CCZ1B: variants seen among roughly 807,000 people sequenced by gnomAD.
CCZ1B encodes vacuolar fusion protein CCZ1 homolog B.
CCZ1B carries 25 observed loss-of-function variants against 58.8 expected under a neutral mutation model. The ratio of observed to expected loss-of-function variants is 0.43; its 90% confidence interval spans 0.31 to 0.59. The LOEUF is 0.59. Ranked by LOEUF, CCZ1B falls within the 20% of genes least tolerant of loss-of-function variation. CCZ1B has a pLI of 0.12. For synonymous variants in CCZ1B, 66 were observed against 173.2 expected (o/e 0.38, Z 4.86); for missense variants, 180 against 501.5 (o/e 0.36, Z 6.12).
intron 10 of CCZ1B, among the ~76,000 whole-genome samples, chr7:6,811,056 A>ACCC (rs1239656000): frequency 1.3e-5 from 2 of 151,654 alleles, no homozygotes; most frequent in East Asian, 3.9e-4. Flanking sequence ...CTCGATTGTC[A>ACCC]CCCAGGGATG....
chr7:6,822,177 A>C, intron 6 of CCZ1B, 104 bp downstream of exon 6: 3 of 1,493,666 alleles, frequency 2.0e-6, no homozygotes, highest in Non-Finnish European at 2.7e-6. Context: ...GCCACTTTCA[A>C]GTTCTGGGTT....
intron 4 of CCZ1B, 126 bp from the exon 5 acceptor site, chr7:6,823,486 G>C: frequency 1.8e-6 from 2 of 1,123,838 alleles, no homozygotes; most frequent in Non-Finnish European, 2.4e-6. Context: ...TCCCACAATA[G>C]TTGCGTGCTG....
At chr7:6,809,772 T>TAG (rs1353467267) in intron 10 of CCZ1B, among the ~76,000 whole-genome samples, 1 of 142,394 alleles carries the variant, frequency 7.0e-6, no homozygotes, top group African/African-American at 2.7e-5. Flanking sequence ...GCTTGAACCC[T>TAG]AGAGCCCTCC....
intron 12 of CCZ1B, among the ~76,000 whole-genome samples, chr7:6,801,840 C>T (rs972345896): frequency 1.8e-5 from 2 of 108,144 alleles, no homozygotes; most frequent in Admixed American, 1.1e-4. Flanking sequence ...TCCCAAAGTG[C>T]AGGGATTACA....
At chr7:6,812,922 G>C (rs1301176338) in intron 9 of CCZ1B, 54 bp downstream of exon 9, 7 of 1,466,492 alleles carry the variant, frequency 4.8e-6, no homozygotes, top group Admixed American at 2.5e-5. Context: ...GCCAGACTCT[G>C]AGTCAAAAAA....
Position 6,810,288 on chromosome 7 carries a change from T to C in CCZ1B, c.954+1664A>G, listed in dbSNP as rs528729396. 2.7e-4 allele frequency among the ~76,000 whole-genome samples: 40 copies of C among 145,708 alleles called. 1 individual carries two copies. Among genetic ancestry groups the C allele is most frequent in the African/African-American group, 1.0e-3 (39 of 38,182 alleles). On this transcript the variant is annotated intron_variant, in intron 10 of 14. Transcript: ENST00000316731. ...TTGGCCTCCCAAAGTGCTGGGATTA[T>C]AGGCGTGAGCCACCATGCCCCGGCT...
At chr7:6,818,486 T>G (rs1175993859) in intron 7 of CCZ1B, among the ~76,000 whole-genome samples, 1 of 148,774 alleles carries the variant, frequency 6.7e-6, no homozygotes, top group East Asian at 1.9e-4. Flanking sequence ...GAAGGGGAAG[T>G]TGCAGTGAGC....
At chr7:6,825,690 C>T (rs1468815615) in intron 1 of CCZ1B, among the ~76,000 whole-genome samples, 1 of 130,582 alleles carries the variant, frequency 7.7e-6, no homozygotes, top group Non-Finnish European at 1.6e-5. Context: ...TTTATTTCCT[C>T]ATTTGGGCGA....
chr7:6,812,436 C>A, intron 9 of CCZ1B: 1 of 289,504 alleles, frequency 3.5e-6, no homozygotes. Flanking sequence ...CTGCAGTGAG[C>A]TGAGATCGTG....
intron 7 of CCZ1B, among the ~76,000 whole-genome samples, chr7:6,815,091 G>A (rs545768036): frequency 6.7e-6 from 1 of 148,826 alleles, no homozygotes; most frequent in East Asian, 1.9e-4. Context: ...CTGAATTTAC[G>A]TGGTATACTT....
chr7:6,822,733 T>TTG lies in CCZ1B; in HGVS notation c.439-370_439-369insCA, dbSNP rs1440192261. 1.6e-4 allele frequency among the ~76,000 whole-genome samples: 16 copies of TTG among 97,536 alleles called. No individual in the cohort carries two copies. The South Asian group carries it at 0.012, about 71-fold the overall frequency. 64.0% of individuals were successfully genotyped at this position (97,536 alleles called of 152,430 possible). A position where few individuals can be genotyped will look rare whatever the true frequency, so the allele number is the denominator to read the frequency against. ...TTTTTTTTTTTTTTGAGATGGAATC[T>TTG]CGCTGTTGCCCAGGGTAGAGTGCAG... On this transcript the variant is annotated intron_variant, in intron 5 of 14. Transcript: ENST00000316731.
At chr7:6,808,264 C>A (rs2711219) in intron 10 of CCZ1B, among the ~76,000 whole-genome samples, 1 of 120,456 alleles carries the variant, frequency 8.3e-6, no homozygotes, top group African/African-American at 2.7e-5. Context: ...CAACACTCCA[C>A]AGACACAGCC....
chr7:6,822,530 T>C, intron 5 of CCZ1B, 166 bp from the exon 6 acceptor site: 1 of 1,269,208 alleles, frequency 7.9e-7, no homozygotes, highest in Non-Finnish European at 1.0e-6. Context: ...AAAATGTAAG[T>C]TACAAAAAAT....
intron 10 of CCZ1B, among the ~76,000 whole-genome samples, chr7:6,809,508 T>C (rs1782886657): frequency 6.9e-6 from 1 of 145,912 alleles, no homozygotes; most frequent in Non-Finnish European, 1.5e-5. Context: ...AGTCATTACC[T>C]GGGTCATTCA....
chr7:6,800,468 GAC>G (rs1782746064), intron 14 of CCZ1B, among the ~76,000 whole-genome samples: 1 of 138,950 alleles, frequency 7.2e-6, no homozygotes, highest in Non-Finnish European at 1.5e-5. Flanking sequence ...CAGCCTGTGC[GAC>G]AGAGCAAGAC....
At chr7:6,822,171 C>A in intron 6 of CCZ1B, 110 bp downstream of exon 6, 1 of 1,479,592 alleles carries the variant, frequency 6.8e-7, no homozygotes, top group Non-Finnish European at 9.0e-7. Flanking sequence ...CTCTTTGCCA[C>A]TTTCAAGTTC....
At chr7:6,823,807 C>T (rs2115131329) in intron 4 of CCZ1B, 1 of 392,146 alleles carries the variant, frequency 2.6e-6, no homozygotes, top group Non-Finnish European at 4.5e-6. Flanking sequence ...GTGTGAGCCA[C>T]TGTTCCCAGC....
chr7:6,804,295 C>A (rs1424041365), intron 12 of CCZ1B, among the ~76,000 whole-genome samples: 1 of 123,832 alleles, frequency 8.1e-6, no homozygotes, highest in African/African-American at 3.1e-5. Flanking sequence ...TGGTGGTGCA[C>A]GCCTGTAATC....
At chr7:6,799,449 A>G in intron 14 of CCZ1B, 170 bp from the exon 15 acceptor site, 1 of 287,190 alleles carries the variant, frequency 3.5e-6, no homozygotes, top group Non-Finnish European at 5.3e-6. Context: ...TTTGTTTGAG[A>G]CAGAGTCTTG....
Sources: allele counts gnomAD v4.1 joint callset (sites outside exome capture counted in the v4.1 genomes callset), GRCh38; gene constraint gnomAD v4.1.1; transcripts MANE v1.5; gene names NCBI Gene and HGNC (gene_info 2026-07-23, HGNC 2026-07-21).